The following PCDHA6 variants were observed in gnomAD, a reference collection of about 807,000 sequenced individuals.
PCDHA6 encodes the protein protocadherin alpha-6.
A neutral mutation model predicts 60.3 loss-of-function variants in PCDHA6; 55 were observed. The observed-to-expected ratio is 0.91, with a 90% CI of 0.73 to 1.14. PCDHA6 has a LOEUF of 1.14. PCDHA6 is among the 50% of genes most tolerant of loss of function. The pLI is 0.00. For synonymous variants in PCDHA6, 652 were observed against 557.9 expected, an observed-to-expected ratio of 1.17 and a Z score of -2.38; for missense variants, 1,327 against 1,256.5, an observed-to-expected ratio of 1.06 and a Z score of -0.85.
intron 1 of PCDHA6, chr5:140,836,239 G>T: frequency 1.9e-6 from 3 of 1,613,796 alleles, no homozygotes; most frequent in Non-Finnish European, 1.7e-6. Flanking sequence ...GCCGGTGCGA[G>T]CATCCCGTTC....
chr5:140,855,793 C>T (rs1383581085), intron 1 of PCDHA6: 1 of 456,918 alleles, frequency 2.2e-6, no homozygotes, highest in East Asian at 3.3e-5. Flanking sequence ...AAAGAATTAA[C>T]ATATGAATGA....
rs374163229 is a variant in PCDHA6 at position 140,870,784 on chromosome 5, G to C, written c.2394+40299G>C. 16 of 1,613,456 alleles carry C rather than the reference G, an allele frequency of 9.9e-6. No homozygotes were observed. The African/African-American group carries it at 2.0e-4, about 20-fold the overall frequency. On this transcript the variant is annotated intron_variant, in intron 1 of 3. Transcript: ENST00000529310. ...GTTCGTGCTGGACGAGAACGACAAC[G>C]CGCCGGCACTGCTGGCGACTCAGGC...
rs192756440 is a variant in PCDHA6, at chr5:140,876,883, G to C, written c.2394+46398G>C. On this transcript the variant is annotated intron_variant, in intron 1 of 3. Coordinates refer to ENST00000529310, the MANE Select transcript of PCDHA6 (RefSeq NM_018909.4). Reference sequence around the variant, plus strand: ...GTTCGTGAAGGAGAACAACCCGCCGGGCTGCCACATCTTCACGGTGTCGGC... The same window carrying C: ...GTTCGTGAAGGAGAACAACCCGCCGCGCTGCCACATCTTCACGGTGTCGGC... The C allele has an allele frequency of 2.2e-3, 3,631 of 1,614,132 alleles. 14 individuals are homozygous for C. Among genetic ancestry groups the C allele is most frequent in the Middle Eastern group, 9.1e-3 (55 of 6,048 alleles).
chr5:140,896,389 G>C (rs2065520134), intron 1 of PCDHA6, among the ~76,000 whole-genome samples: 1 of 152,124 alleles, frequency 6.6e-6, no homozygotes, highest in East Asian at 1.9e-4. Flanking sequence ...AACCTCACCA[G>C]CATCTGTTAT....
chr5:140,932,790 A>G (rs917083739), intron 1 of PCDHA6, among the ~76,000 whole-genome samples: 21 of 152,066 alleles, frequency 1.4e-4, no homozygotes, highest in African/African-American at 5.1e-4. Flanking sequence ...GACATAAGAG[A>G]AAAGCAATAC....
intron 1 of PCDHA6, chr5:140,848,913 C>A (rs2150424583): frequency 6.2e-7 from 1 of 1,608,160 alleles, no homozygotes; most frequent in South Asian, 1.1e-5. Flanking sequence ...ACAAAAGAAT[C>A]TGTTCATCGC....
At chr5:140,989,321 C>T (rs898791820) in intron 3 of PCDHA6, among the ~76,000 whole-genome samples, 2 of 152,296 alleles carry the variant, frequency 1.3e-5, no homozygotes, top group Non-Finnish European at 1.5e-5. Context: ...GTCTCACCAA[C>T]TTTGCCACCT....
chr5:140,893,138 A>G (rs1336386852), intron 1 of PCDHA6, among the ~76,000 whole-genome samples: 1 of 152,142 alleles, frequency 6.6e-6, no homozygotes, highest in Non-Finnish European at 1.5e-5. Context: ...TTCTTTATCC[A>G]CTCATCTGTT....
intron 1 of PCDHA6, chr5:140,870,549 C>T: frequency 2.5e-6 from 4 of 1,614,062 alleles, no homozygotes; most frequent in Non-Finnish European, 3.4e-6. Context: ...GGGACGCGGA[C>T]GCGCAGGAGA....
At chr5:140,857,412 C>G (rs782751627) in intron 1 of PCDHA6, 1 of 1,598,338 alleles carries the variant, frequency 6.3e-7, no homozygotes, top group Admixed American at 1.7e-5. Context: ...CCTGCGTTCG[C>G]GCAGTCCGAG....
rs1554231789 is a variant in PCDHA6 at position 140,969,430 on chromosome 5, A to G, written c.2395-9519A>G. ...CTTTATTGAGTCATTAACAGTGACAAGAGTTATCTGGTAAACTGAGTATAT... is the reference window on the plus strand; with the variant it reads ...CTTTATTGAGTCATTAACAGTGACAGGAGTTATCTGGTAAACTGAGTATAT... On this transcript the variant is annotated intron_variant, in intron 1 of 3. Transcript: ENST00000529310. The G allele has an allele frequency of 1.2e-5, 19 of 1,554,588 alleles. 1 individual carries two copies. The Admixed American group carries it at 3.5e-4, about 29-fold the overall frequency.
chr5:140,842,182 T>A (rs200850648), intron 1 of PCDHA6: 1 of 1,613,440 alleles, frequency 6.2e-7, no homozygotes, highest in Non-Finnish European at 8.5e-7. Flanking sequence ...TTGTTGAAAC[T>A]ATGGTTATTG....
chr5:140,875,028 G>C (rs1321534427), intron 1 of PCDHA6, among the ~76,000 whole-genome samples: 1 of 152,198 alleles, frequency 6.6e-6, no homozygotes, highest in Non-Finnish European at 1.5e-5. Flanking sequence ...CTGGCCTACT[G>C]TATTTGAAAG....
intron 1 of PCDHA6, chr5:140,876,926 A>C (rs782589579): frequency 6.2e-7 from 1 of 1,613,842 alleles, no homozygotes; most frequent in East Asian, 2.2e-5. Context: ...GCGGACGCGC[A>C]GAAGAACGCG....
At chr5:140,914,809 T>G (rs532202561) in intron 1 of PCDHA6, among the ~76,000 whole-genome samples, 21 of 152,314 alleles carry the variant, frequency 1.4e-4, no homozygotes, top group African/African-American at 5.1e-4. Flanking sequence ...TGATGGCAAC[T>G]TAACAGACTG....
At chr5:140,843,615 C>T (rs111750019) in intron 1 of PCDHA6, 2 of 1,595,902 alleles carry the variant, frequency 1.3e-6, no homozygotes, top group Non-Finnish European at 1.7e-6. Flanking sequence ...GAGGGGCCAC[C>T]GAAGACGGAC....
chr5:140,900,309 C>T (rs1183008231), intron 1 of PCDHA6, among the ~76,000 whole-genome samples: 1 of 151,686 alleles, frequency 6.6e-6, no homozygotes, highest in Non-Finnish European at 1.5e-5. Context: ...GACAGTCTCA[C>T]TTTTGTCGCC....
At chr5:140,859,867 T>C (rs1265494119) in intron 1 of PCDHA6, 1 of 152,016 alleles carries the variant, frequency 6.6e-6, no homozygotes, top group Non-Finnish European at 1.5e-5. Flanking sequence ...AATATATACT[T>C]CCCCCTCTGA....
At chr5:140,974,098 T>C (rs1316262429) in intron 1 of PCDHA6, among the ~76,000 whole-genome samples, 1 of 152,262 alleles carries the variant, frequency 6.6e-6, no homozygotes, top group Non-Finnish European at 1.5e-5. Flanking sequence ...AATCAAAGGT[T>C]AAAAGTATTC....
Sources: allele counts gnomAD v4.1 joint callset (sites outside exome capture counted in the v4.1 genomes callset), GRCh38; gene constraint gnomAD v4.1.1; transcripts MANE v1.5; gene names NCBI Gene and HGNC (gene_info 2026-07-23, HGNC 2026-07-21).